SLC16A12: variants seen among roughly 807,000 people sequenced by gnomAD.
SLC16A12 encodes solute carrier family 16 member 12, also known as monocarboxylate transporter 12.
SLC16A12 carries 17 observed loss-of-function variants against 42.4 expected under a neutral mutation model. The observed-to-expected ratio is 0.40, with a 90% confidence interval of 0.27 to 0.60. The LOEUF (loss-of-function observed/expected upper bound fraction) is 0.60, where lower values mean the gene tolerates loss of function less well. Among genes scored for constraint, SLC16A12 ranks in the 20% least tolerant of loss-of-function variants. SLC16A12 has a pLI of 0.42. For synonymous variants in SLC16A12, 224 were observed against 229.4 expected, an observed-to-expected ratio of 0.98 and a Z score of 0.21; for missense variants, 544 against 623.0, an observed-to-expected ratio of 0.87 and a Z score of 1.35.
chr10:89,474,301 C>T (rs1336562035), intron 2 of SLC16A12, among the ~76,000 whole-genome samples: 3 of 152,134 alleles, frequency 2.0e-5, no homozygotes, highest in Non-Finnish European at 4.4e-5. Context: ...CCCCCAATTC[C>T]TCTCACCTTA....
At chr10:89,479,702 T>C (rs777798848) in intron 2 of SLC16A12, among the ~76,000 whole-genome samples, 2 of 152,250 alleles carry the variant, frequency 1.3e-5, no homozygotes, top group Non-Finnish European at 2.9e-5. Context: ...TCACAAAGCA[T>C]AGGTCCTGTC....
At chr10:89,491,018 A>C (rs191454225) in intron 2 of SLC16A12, among the ~76,000 whole-genome samples, 2 of 152,372 alleles carry the variant, frequency 1.3e-5, no homozygotes, top group South Asian at 2.1e-4. Flanking sequence ...CCTATCACTC[A>C]TATTAACACT....
chr10:89,434,362 C>A (rs1246929518), intron 7 of SLC16A12, among the ~76,000 whole-genome samples: 1 of 152,138 alleles, frequency 6.6e-6, no homozygotes, highest in Non-Finnish European at 1.5e-5. Context: ...GAACTGAATC[C>A]CAATTTCATT....
At position 89,436,231 on chromosome 10, in the gene SLC16A12, G is replaced by A; in HGVS notation, c.1117C>T (p.Leu373Phe). Residue 373 changes from leucine to phenylalanine, a missense_variant, in exon 7 of 8, where the codon CTC becomes TTC. Leu to Phe is a conservative substitution (Grantham distance 22). Transcript: ENST00000371790. ...CAAGAGAAAGGCACGAGCAGAGGGAGACTTTGAAGCATTGGGAGGCAGAGA... is the reference window on the plus strand; with the variant it reads ...CAAGAGAAAGGCACGAGCAGAGGGAAACTTTGAAGCATTGGGAGGCAGAGA... ...CYLCLPMLQS[L>F]PLLVPFSCTF... 6.2e-7 allele frequency: 1 copy of A among 1,614,146 alleles called. No individual in the cohort carries two copies. Among genetic ancestry groups the A allele is most frequent in the Non-Finnish European group, 8.5e-7 (1 of 1,180,004 alleles).
intron 3 of SLC16A12, among the ~76,000 whole-genome samples, chr10:89,452,528 G>A (rs1395899383): frequency 6.6e-6 from 1 of 152,166 alleles, no homozygotes; most frequent in Non-Finnish European, 1.5e-5. Flanking sequence ...AAGAAAGGAA[G>A]AAGCTTTCTA....
chr10:89,510,232 T>C (rs1392134635), intron 2 of SLC16A12, among the ~76,000 whole-genome samples: 1 of 152,148 alleles, frequency 6.6e-6, no homozygotes, highest in Admixed American at 6.5e-5. Context: ...TGGAAAAAAC[T>C]ACTTTAAATT....
chr10:89,434,424 A>G (rs1235406506), intron 7 of SLC16A12, among the ~76,000 whole-genome samples: 2 of 152,216 alleles, frequency 1.3e-5, no homozygotes, highest in African/African-American at 4.8e-5. Flanking sequence ...GTTGGTGAGC[A>G]CTAAAATAAG....
At chr10:89,511,179 T>C (rs989672826) in intron 2 of SLC16A12, among the ~76,000 whole-genome samples, 12 of 152,214 alleles carry the variant, frequency 7.9e-5, no homozygotes, top group African/African-American at 2.9e-4. Flanking sequence ...TGGTGACTCC[T>C]CAAGGATCTA....
At chr10:89,494,838 AG>A (rs902442098) in intron 2 of SLC16A12, among the ~76,000 whole-genome samples, 11 of 152,224 alleles carry the variant, frequency 7.2e-5, no homozygotes, top group African/African-American at 2.7e-4. Context: ...GAAAGTTTGT[AG>A]AAGTTCCCAC....
chr10:89,543,176 T>A (rs1296213200), intron 2 of SLC16A12, among the ~76,000 whole-genome samples: 1 of 152,248 alleles, frequency 6.6e-6, no homozygotes, highest in Non-Finnish European at 1.5e-5. Flanking sequence ...GCAAATTTAG[T>A]AAATTTTAAA....
upstream of SLC16A12, among the ~76,000 whole-genome samples, chr10:89,535,840 C>G (rs1242946019): frequency 2.7e-5 from 4 of 147,434 alleles, no homozygotes; most frequent in African/African-American, 1.0e-4. Context: ...GAGGCGCCGG[C>G]GAGGCTGGGG....
chr10:89,512,883 G>A (rs1225565205), intron 2 of SLC16A12, among the ~76,000 whole-genome samples: 2 of 152,182 alleles, frequency 1.3e-5, no homozygotes, highest in African/African-American at 4.8e-5. Context: ...CATCTGAAGT[G>A]GGGGCTGTCT....
intron 2 of SLC16A12, among the ~76,000 whole-genome samples, chr10:89,471,228 C>T (rs1177264257): frequency 2.0e-5 from 3 of 152,088 alleles, no homozygotes; most frequent in Non-Finnish European, 4.4e-5. Context: ...TTTTATCATC[C>T]CCAGACATTC....
rs535268392 is a variant in SLC16A12 at position 89,533,424 on chromosome 10, G to A, written c.-47+1077C>T. ...TACAGTAGGCACTCAATAAATATCT[G>A]CTCAATTGAACTAAATTGAAAAATA... On this transcript the variant is annotated intron_variant, in intron 2 of 7. Transcript: ENST00000371790. Among the ~76,000 whole-genome samples, 4 of 152,174 alleles carry A rather than the reference G, an allele frequency of 2.6e-5. No homozygotes were observed. The East Asian group carries it at 7.7e-4, about 29-fold the overall frequency.
intron 2 of SLC16A12, among the ~76,000 whole-genome samples, chr10:89,471,124 C>T (rs150350451): frequency 2.2e-4 from 33 of 152,184 alleles, no homozygotes; most frequent in Non-Finnish European, 4.6e-4. Flanking sequence ...AACTTACATA[C>T]AATAAAACAT....
intron 2 of SLC16A12, among the ~76,000 whole-genome samples, chr10:89,532,095 C>T (rs1486951391): frequency 6.6e-6 from 1 of 152,164 alleles, no homozygotes; most frequent in African/African-American, 2.4e-5. Flanking sequence ...CACACAAATC[C>T]TTATACAAAT....
At chr10:89,525,795 G>T (rs1843442328) in intron 2 of SLC16A12, among the ~76,000 whole-genome samples, 1 of 152,166 alleles carries the variant, frequency 6.6e-6, no homozygotes, top group Non-Finnish European at 1.5e-5. Context: ...GTGGAGTGGG[G>T]ATTTGACCTA....
chr10:89,529,636 C>A (rs1408217333), intron 2 of SLC16A12, among the ~76,000 whole-genome samples: 1 of 151,690 alleles, frequency 6.6e-6, no homozygotes, highest in Non-Finnish European at 1.5e-5. Context: ...CAACCTACAC[C>A]TCCCAGGTTC....
At chr10:89,440,368 G>A (rs1031135383) in intron 5 of SLC16A12, among the ~76,000 whole-genome samples, 4 of 152,152 alleles carry the variant, frequency 2.6e-5, no homozygotes, top group African/African-American at 9.7e-5. Flanking sequence ...GGGTTACTAG[G>A]GGTGGGTGTA....
Sources: gnomAD v4.1 joint callset for allele counts (sites outside exome capture counted in the v4.1 genomes callset) on GRCh38, gnomAD v4.1.1 for gene constraint, MANE v1.5 for transcripts, NCBI Gene and HGNC (gene_info 2026-07-23, HGNC 2026-07-21) for gene names.